The following NRG4 variants were observed in gnomAD, a reference collection of about 807,000 sequenced individuals.
NRG4 encodes pro-neuregulin-4, membrane-bound isoform.
A neutral mutation model predicts 15.0 loss-of-function variants in NRG4; 10 were observed. The observed-to-expected ratio is 0.67, with a 90% CI of 0.41 to 1.13. The LOEUF is 1.13. Ranked by LOEUF, NRG4 falls within the 50% of genes most tolerant of loss-of-function variation. The pLI is 0.00. For missense variants in NRG4, 139 were observed against 140.2 expected (o/e 0.99, Z 0.04); for synonymous variants, 41 against 50.1 (o/e 0.82, Z 0.77).
At chr15:76,019,278 TG>T (rs2035078791) in intron 5 of NRG4, among the ~76,000 whole-genome samples, 1 of 151,900 alleles carries the variant, frequency 6.6e-6, no homozygotes, top group Non-Finnish European at 1.5e-5. Context: ...TCCGTGGGGG[TG>T]GGATCTGCTG....
intron 3 of NRG4, among the ~76,000 whole-genome samples, chr15:76,004,599 CA>C (rs550312663): frequency 0.039 from 2,346 of 60,250 alleles, 41 homozygotes; most frequent in African/African-American, 0.12. Context: ...AACTCCGTCT[CA>C]AAAAAAAAAA....
At position 75,943,327 on chromosome 15, in the gene NRG4, T is replaced by A; in HGVS notation, c.*311A>T. 1 of 324,830 alleles carries A rather than the reference T, an allele frequency of 3.1e-6. No homozygotes were observed. Among genetic ancestry groups the A allele is most frequent in the Non-Finnish European group, 5.6e-6 (1 of 178,938 alleles). The allele number at this position is 324,830 out of a possible 1,614,324, so 20.1% of individuals were successfully genotyped here. ...AAGATCTTCATATATCCCTTAGGGTTTCTCTCTAGGTGTGTGAACATTTGC... is the reference window on the plus strand; with the variant it reads ...AAGATCTTCATATATCCCTTAGGGTATCTCTCTAGGTGTGTGAACATTTGC... On this transcript the variant is annotated 3_prime_UTR_variant, in exon 6 of 6. Transcript: ENST00000394907.
intron 3 of NRG4, among the ~76,000 whole-genome samples, chr15:75,989,510 GAA>G (rs753781993): frequency 6.8e-6 from 1 of 146,360 alleles, no homozygotes; most frequent in African/African-American, 2.5e-5. Flanking sequence ...TCCTTAGTCT[GAA>G]AAAAAAAAAT....
chr15:76,018,521 C>G (rs1342330653), intron 5 of NRG4, among the ~76,000 whole-genome samples: 1 of 152,180 alleles, frequency 6.6e-6, no homozygotes, highest in Non-Finnish European at 1.5e-5. Context: ...AAGTGGACAT[C>G]CTTTTTGTTG....
intron 4 of NRG4, among the ~76,000 whole-genome samples, chr15:76,048,361 A>G (rs529354997): frequency 1.3e-5 from 2 of 148,460 alleles, no homozygotes; most frequent in South Asian, 4.2e-4. Flanking sequence ...AATTCTAGCT[A>G]CTTCGGAGGC....
upstream of NRG4, among the ~76,000 whole-genome samples, chr15:76,016,296 TA>T (rs200331757): frequency 0.037 from 5,613 of 152,240 alleles, 178 homozygotes; most frequent in African/African-American, 0.085. Context: ...AACTCCTGGA[TA>T]CCATTGATTT....
intron 4 of NRG4, among the ~76,000 whole-genome samples, chr15:76,050,019 T>C (rs1253952270): frequency 6.6e-6 from 1 of 151,158 alleles, no homozygotes; most frequent in Non-Finnish European, 1.5e-5. Context: ...ATAAGACATA[T>C]GACTATTTCT....
intron 3 of NRG4, among the ~76,000 whole-genome samples, chr15:75,985,224 AAT>A (rs1330974919): frequency 6.6e-6 from 1 of 152,210 alleles, no homozygotes; most frequent in African/African-American, 2.4e-5. Flanking sequence ...CAATGGACTC[AAT>A]ACATAGTTTT....
chr15:76,043,135 T>C (rs2035786160), intron 4 of NRG4, among the ~76,000 whole-genome samples: 1 of 152,106 alleles, frequency 6.6e-6, no homozygotes, highest in Admixed American at 6.5e-5. Flanking sequence ...AAACTGGGTA[T>C]AGAAGGAACA....
At chr15:75,969,472 G>A (rs554260314) in intron 3 of NRG4, among the ~76,000 whole-genome samples, 1 of 152,186 alleles carries the variant, frequency 6.6e-6, no homozygotes, top group Non-Finnish European at 1.5e-5. Flanking sequence ...TAGAGTATAC[G>A]TTGCCTTTCA....
intron 5 of NRG4, among the ~76,000 whole-genome samples, chr15:75,954,399 G>A (rs1291851583): frequency 2.0e-5 from 3 of 149,788 alleles, no homozygotes; most frequent in Non-Finnish European, 3.0e-5. Flanking sequence ...GTGCTTGCCT[G>A]GTATTTAAAG....
At chr15:76,051,216 G>A (rs1366847457) in intron 4 of NRG4, among the ~76,000 whole-genome samples, 2 of 148,064 alleles carry the variant, frequency 1.4e-5, no homozygotes, top group Non-Finnish European at 1.5e-5. Flanking sequence ...CGTTTTAGCC[G>A]GGATGGTCTC....
In NRG4 at chr15:75,955,948, A is replaced by C; in HGVS notation, c.315T>G (p.Ser105Arg). ...QYDINLVETS[S>R]TSAHHSHEQH ...TTTACTCACTGTGGTGGGCACTGGT[A>C]CTGCTCGTCTCTACCAGGTTGATAT... The change falls in exon 5 of 6, where the codon AGT becomes AGG. Residue 105 changes from serine (S) to arginine (R), a missense_variant. By Grantham distance (110) the Ser-to-Arg change is moderately radical (BLOSUM62 -1). Transcript: ENST00000394907. The C allele has an allele frequency of 1.2e-6, 2 of 1,605,988 alleles. No individual in the cohort carries two copies. Among genetic ancestry groups the C allele is most frequent in the Non-Finnish European group, 1.7e-6 (2 of 1,172,654 alleles).
At chr15:75,960,649 TCC>T in intron 4 of NRG4, among the ~76,000 whole-genome samples, 1 of 152,258 alleles carries the variant, frequency 6.6e-6, no homozygotes, top group South Asian at 2.1e-4. Context: ...TGAGGCAGCA[TCC>T]CAAGTAGTCT....
chr15:75,968,585 T>TA (rs71140190), intron 3 of NRG4, among the ~76,000 whole-genome samples: 27,425 of 98,984 alleles, frequency 0.28, 4,104 homozygotes, highest in Non-Finnish European at 0.37. Context: ...AAACTCCATC[T>TA]AAAAAAAAAA....
intron 3 of NRG4, among the ~76,000 whole-genome samples, chr15:75,974,065 G>A (rs1176822701): frequency 1.3e-5 from 2 of 152,108 alleles, no homozygotes; most frequent in African/African-American, 4.8e-5. Context: ...GGTCTATTCA[G>A]GGATTCGACT....
At chr15:75,945,921 A>C (rs887188835) in intron 5 of NRG4, 4 of 152,238 alleles carry the variant, frequency 2.6e-5, no homozygotes, top group African/African-American at 9.7e-5. Flanking sequence ...AATTGGACAC[A>C]GTAAGATTAG....
chr15:76,002,043 C>T (rs779581623), intron 3 of NRG4, among the ~76,000 whole-genome samples: 5 of 152,004 alleles, frequency 3.3e-5, no homozygotes, highest in Admixed American at 6.6e-5. Context: ...AATGAAATCT[C>T]CCATATGAAA....
intron 3 of NRG4, among the ~76,000 whole-genome samples, chr15:75,979,515 G>A (rs919885419): frequency 3.3e-5 from 5 of 152,022 alleles, no homozygotes; most frequent in Non-Finnish European, 7.4e-5. Flanking sequence ...GGTCAAAATA[G>A]CTAAAATTAA....
Sources: allele counts gnomAD v4.1 joint callset (sites outside exome capture counted in the v4.1 genomes callset), GRCh38; gene constraint gnomAD v4.1.1; transcripts MANE v1.5; gene names NCBI Gene and HGNC (gene_info 2026-07-23, HGNC 2026-07-21).